Variants in FCER1A observed in about 807,000 individuals in gnomAD.
FCER1A encodes high affinity immunoglobulin epsilon receptor subunit alpha.
Under a neutral mutation model 23.6 loss-of-function variants are expected in FCER1A, and 24 were observed. The ratio of observed to expected loss-of-function variants is 1.02; its 90% confidence interval spans 0.74 to 1.43. The LOEUF (loss-of-function observed/expected upper bound fraction) is 1.43, where lower values mean the gene tolerates loss of function less well. Among genes scored for constraint, FCER1A ranks in the 40% most tolerant of loss-of-function variants. The pLI, the probability that FCER1A is intolerant of heterozygous loss-of-function variation, is 0.00. For missense variants in FCER1A, 318 were observed against 294.5 expected (o/e 1.08, Z -0.58); for synonymous variants, 121 against 108.8 (o/e 1.11, Z -0.70).
chr1:159,294,686 G>T (rs565339630), intron 1 of FCER1A, among the ~76,000 whole-genome samples: 1 of 152,074 alleles, frequency 6.6e-6, no homozygotes, highest in Admixed American at 6.6e-5. Context: ...ATAAATACTT[G>T]TTGAACAAAG....
chr1:159,305,943 CTCTT>C, intron 3 of FCER1A, 41 bp from the exon 4 acceptor site: 1 of 1,552,642 alleles, frequency 6.4e-7, no homozygotes, highest in Non-Finnish European at 8.8e-7. Flanking sequence ...CATTCTCTCT[CTCTT>C]CATTTATTGT....
intron 1 of FCER1A, among the ~76,000 whole-genome samples, chr1:159,291,828 G>T (rs968661526): frequency 1.3e-5 from 2 of 152,090 alleles, no homozygotes; most frequent in Admixed American, 1.3e-4. Flanking sequence ...ACTTCAGTTT[G>T]CTTTTTACAC....
At chr1:159,297,384 G>A (rs971123392), upstream of FCER1A, among the ~76,000 whole-genome samples, 1 of 152,140 alleles carries the variant, frequency 6.6e-6, no homozygotes, top group Admixed American at 6.6e-5. Context: ...TCATCCTCAG[G>A]ACAGACCAGG....
intron 1 of FCER1A, among the ~76,000 whole-genome samples, chr1:159,293,108 T>G (rs752326509): frequency 5.9e-5 from 9 of 151,526 alleles, no homozygotes; most frequent in Non-Finnish European, 1.2e-4. Flanking sequence ...GAAAATAGAC[T>G]AAGACATACA....
chr1:159,288,137 C>G (rs1652061988), upstream of FCER1A, among the ~76,000 whole-genome samples: 1 of 152,150 alleles, frequency 6.6e-6, no homozygotes, highest in Non-Finnish European at 1.5e-5. Flanking sequence ...TGCTTACATT[C>G]ACCAGAAAGT....
chr1:159,292,473 G>T (rs1003480801), intron 1 of FCER1A, among the ~76,000 whole-genome samples: 1 of 152,014 alleles, frequency 6.6e-6, no homozygotes, highest in Non-Finnish European at 1.5e-5. Flanking sequence ...CTGTCAGTAA[G>T]TCCCATTAAT....
At chr1:159,297,465 G>A (rs7548864), upstream of FCER1A, among the ~76,000 whole-genome samples, 24,877 of 152,026 alleles carry the variant, frequency 0.16, 2,913 homozygotes, top group East Asian at 0.54. Context: ...AATAATTATA[G>A]TATTCATGAA....
chr1:159,286,613 T>A (rs1652027004), upstream of FCER1A, among the ~76,000 whole-genome samples: 1 of 152,240 alleles, frequency 6.6e-6, no homozygotes, highest in Non-Finnish European at 1.5e-5. Flanking sequence ...ATTACAGGCG[T>A]AAGCCATCGT....
chr1:159,305,899 C>A, intron 3 of FCER1A, 89 bp from the exon 4 acceptor site: 1 of 1,162,980 alleles, frequency 8.6e-7, no homozygotes, highest in Non-Finnish European at 1.2e-6. Context: ...TAGTTTCTGA[C>A]ACATGCTCTA....
intron 4 of FCER1A, among the ~76,000 whole-genome samples, chr1:159,307,493 C>A (rs1652649861): frequency 6.6e-6 from 1 of 152,162 alleles, no homozygotes; most frequent in South Asian, 2.1e-4. Flanking sequence ...CTATTGTCTT[C>A]CCCTCTGGGC....
At chr1:159,288,274 G>A (rs1652065734), upstream of FCER1A, among the ~76,000 whole-genome samples, 1 of 152,134 alleles carries the variant, frequency 6.6e-6, no homozygotes, top group African/African-American at 2.4e-5. Flanking sequence ...GTTTACCATT[G>A]AGATCTAGGG....
chr1:159,297,003 G>A (rs938024633), intron 1 of FCER1A, among the ~76,000 whole-genome samples: 1 of 152,112 alleles, frequency 6.6e-6, no homozygotes, highest in African/African-American at 2.4e-5. Context: ...AAATGCAAAT[G>A]TCCTGGTCTG....
Position 159,307,920 on chromosome 1 carries a change from C to CA in FCER1A, c.767dup (p.Asn256LysfsTer5). The CA allele has an allele frequency of 6.3e-7, 1 of 1,589,938 alleles. No homozygotes were observed. Among genetic ancestry groups the CA allele is most frequent in the African/African-American group, 1.3e-5 (1 of 74,342 alleles). On this transcript the variant is annotated frameshift_variant, in exon 5 of 5. Transcript: ENST00000693622. LOFTEE classifies it high-confidence loss of function. Reference sequence around the variant, plus strand: ...TGAACCCACATCCTAAGCCAAACCCCAAAAACAACTGATATAATTACTCAA... The same window carrying CA: ...TGAACCCACATCCTAAGCCAAACCCCAAAAAACAACTGATATAATTACTCAA...
chr1:159,298,467 G>C (rs1047002018), upstream of FCER1A, among the ~76,000 whole-genome samples: 1 of 152,068 alleles, frequency 6.6e-6, no homozygotes, highest in Non-Finnish European at 1.5e-5. Context: ...TAGTAGTCCT[G>C]GGAGTTTCCA....
chr1:159,290,702 G>T (rs1015218641), intron 1 of FCER1A, among the ~76,000 whole-genome samples: 1 of 152,206 alleles, frequency 6.6e-6, no homozygotes. Context: ...TAGGATTCCT[G>T]TGAGTATTAA....
chr1:159,306,437 G>A (rs1652619417), intron 4 of FCER1A, among the ~76,000 whole-genome samples, 192 bp downstream of exon 4: 2 of 152,130 alleles, frequency 1.3e-5, no homozygotes, highest in Admixed American at 1.3e-4. Flanking sequence ...TTGTTAAATG[G>A]TGATAGTAAT....
the FCER1A span, among the ~76,000 whole-genome samples, chr1:159,283,705 T>A: frequency 6.6e-6 from 1 of 152,134 alleles, no homozygotes; most frequent in African/African-American, 2.4e-5. Context: ...GAGCCTCAAA[T>A]TGTTGCTATG....
At chr1:159,301,513 A>G (rs1652427370), upstream of FCER1A, among the ~76,000 whole-genome samples, 1 of 152,220 alleles carries the variant, frequency 6.6e-6, no homozygotes, top group African/African-American at 2.4e-5. Flanking sequence ...AGATCCCCAT[A>G]AGTAATGGTT....
chr1:159,289,976 C>T (rs949812007), intron 1 of FCER1A, among the ~76,000 whole-genome samples: 1 of 152,120 alleles, frequency 6.6e-6, no homozygotes, highest in Non-Finnish European at 1.5e-5. Context: ...GGTAGTGTAA[C>T]CTTTTTGCTA....
Sources: gnomAD v4.1 joint callset for allele counts (sites outside exome capture counted in the v4.1 genomes callset) on GRCh38, gnomAD v4.1.1 for gene constraint, MANE v1.5 for transcripts, NCBI Gene and HGNC (gene_info 2026-07-23, HGNC 2026-07-21) for gene names.